Variants in CENPF observed in about 807,000 individuals in gnomAD.
CENPF encodes AH antigen.
Under a neutral mutation model 307.3 loss-of-function variants are expected in CENPF, and 214 were observed. That is an observed-to-expected ratio of 0.70 (90% CI 0.62 to 0.78). CENPF has a LOEUF of 0.78. Among genes scored for constraint, CENPF ranks in the 30% least tolerant of loss-of-function variants. CENPF has a pLI of 0.00. For missense variants in CENPF, 3,401 were observed against 3,483.9 expected, an observed-to-expected ratio of 0.98 and a Z score of 0.60; for synonymous variants, 1,259 against 1,270.6, an observed-to-expected ratio of 0.99 and a Z score of 0.19.
chr1:214,622,323 T>C, intron 7 of CENPF, 42 bp downstream of exon 7: 1 of 1,436,054 alleles, frequency 7.0e-7, no homozygotes, highest in Non-Finnish European at 9.6e-7. Context: ...TCTTCATCTT[T>C]TCATACAATT....
chr1:214,646,807 A>G lies in CENPF; in HGVS notation c.7237A>G (p.Ile2413Val). The change falls in exon 13 of 20, where the codon ATA (isoleucine) becomes GTA (valine). Residue 2413 changes from isoleucine (I) to valine (V), a missense_variant. Physicochemically the swap from Ile to Val is conservative, Grantham distance 29 (BLOSUM62 3). Transcript: ENST00000366955. ...KEQERISELE[I>V]INSSFENILQ... ...GCAAGAGCGAATATCTGAATTAGAA[A>G]TAATAAATTCATCATTTGAAAATAT... 6.2e-7 allele frequency: 1 copy of G among 1,610,604 alleles called. No homozygotes were observed. Among genetic ancestry groups the G allele is most frequent in the East Asian group, 2.2e-5 (1 of 44,868 alleles).
chr1:214,608,466 G>A (rs1340349753), intron 1 of CENPF: 2 of 1,613,074 alleles, frequency 1.2e-6, no homozygotes, highest in East Asian at 2.2e-5. Context: ...TGCTCATCTG[G>A]CCCAGGTCCA....
chr1:214,630,168 G>A (rs1257909234), intron 8 of CENPF, among the ~76,000 whole-genome samples: 2 of 152,142 alleles, frequency 1.3e-5, no homozygotes, highest in Non-Finnish European at 2.9e-5. Context: ...TTTAAACACC[G>A]TTTTTGAGTA....
rs753575219 is a variant in CENPF at position 214,658,916 on chromosome 1, G to A, written c.9029G>A (p.Arg3010Gln). The change falls in exon 19 of 20, where the codon CGG (arginine) becomes CAG (glutamine). Residue 3010 changes from arginine (R) to glutamine (Q), a missense_variant. Coordinates refer to ENST00000366955, the MANE Select transcript of CENPF (RefSeq NM_016343.4). Reference sequence around the variant, plus strand: ...CTGCGAAGAACAACCATGGCAACTCGGACCAGCCCCCGCCTGGCTGCACAG... The same window carrying A: ...CTGCGAAGAACAACCATGGCAACTCAGACCAGCCCCCGCCTGGCTGCACAG... ...YILRRTTMAT[R>Q]TSPRLAAQKL... The A allele has an allele frequency of 1.1e-5, 17 of 1,613,888 alleles. No homozygotes were observed. Among genetic ancestry groups the A allele is most frequent in the Admixed American group, 8.3e-5 (5 of 59,986 alleles).
In CENPF at chr1:214,640,955, A is replaced by G. The variant is rs371370612; in HGVS notation, c.2617A>G (p.Met873Val). 5 of 1,605,796 alleles carry G rather than the reference A, an allele frequency of 3.1e-6. No homozygotes were observed. Among genetic ancestry groups the G allele is most frequent in the South Asian group, 1.1e-5 (1 of 88,724 alleles). ...AGAAAATCTCATGAAAGCAGAACAG[A>G]TGCATCAAAGTTTTGTGGCTGAAAC... ...IEENLMKAEQ[M>V]HQSFVAETSQ... The change falls in exon 12 of 20, where the codon ATG becomes GTG. Residue 873 changes from methionine (M) to valine (V), a missense_variant. Physicochemically the swap from Met to Val is conservative, Grantham distance 21 (BLOSUM62 1). Transcript: ENST00000366955.
chr1:214,626,810 T>C (rs1657667494), intron 7 of CENPF, among the ~76,000 whole-genome samples: 1 of 152,224 alleles, frequency 6.6e-6, no homozygotes, highest in Non-Finnish European at 1.5e-5. Flanking sequence ...GCTGTTATTA[T>C]CATGGCTTAT....
At chr1:214,661,572 A>T (rs2102424901) in intron 19 of CENPF, among the ~76,000 whole-genome samples, 1 of 152,324 alleles carries the variant, frequency 6.6e-6, no homozygotes, top group East Asian at 1.9e-4. Context: ...GGCAAAATGC[A>T]CATTAGGTAA....
Position 214,663,561 on chromosome 1 carries a change from G to A in CENPF, c.9142-30G>A, listed in dbSNP as rs772566364. 1.9e-6 allele frequency: 3 copies of A among 1,605,126 alleles called. No homozygotes were observed. In the Admixed American group the frequency reaches 5.0e-5, roughly 27 times the overall value. Reference sequence around the variant, plus strand: ...ATGTTGTGGAAATGTGAATGTGATTGAACCTCTAACAGAGATGTTTGTGTT... The same window carrying A: ...ATGTTGTGGAAATGTGAATGTGATTAAACCTCTAACAGAGATGTTTGTGTT... On this transcript the variant is annotated intron_variant, in intron 19 of 19. Transcript: ENST00000366955.
chr1:214,610,663 G>A (rs1245492920), intron 1 of CENPF, among the ~76,000 whole-genome samples: 1 of 151,860 alleles, frequency 6.6e-6, no homozygotes, highest in Admixed American at 6.6e-5. Context: ...AGTTTCTTTT[G>A]CTGTGCAGAA....
Position 214,652,833 on chromosome 1 carries a change from A to C in CENPF, c.8166A>C (p.Glu2722Asp). 6.3e-7 allele frequency: 1 copy of C among 1,579,870 alleles called. No individual in the cohort carries two copies. Among genetic ancestry groups the C allele is most frequent in the South Asian group, 1.2e-5 (1 of 84,532 alleles). ...TTTTGTTTGTTTTGCTCTAGTATGA[A>C]GTAGAAATCCAGACATACCGAGAGA... ...ALLLDTNKQY[E>D]VEIQTYREKL... The change falls in exon 16 of 20, where the codon GAA becomes GAC. Residue 2722 changes from glutamate to aspartate, a missense_variant. Transcript: ENST00000366955.
At chr1:214,612,751 T>G (rs1657232634) in intron 1 of CENPF, among the ~76,000 whole-genome samples, 1 of 152,220 alleles carries the variant, frequency 6.6e-6, no homozygotes, top group Non-Finnish European at 1.5e-5. Flanking sequence ...AGGATGATTG[T>G]TACAGCGCAA....
intron 5 of CENPF, among the ~76,000 whole-genome samples, chr1:214,619,470 T>C (rs1039840927): frequency 1.3e-5 from 2 of 152,210 alleles, no homozygotes; most frequent in Non-Finnish European, 2.9e-5. Context: ...GTACACTTAA[T>C]TATTTCCCTA....
Position 214,646,894 on chromosome 1 carries a change from A to T in CENPF, c.7324A>T (p.Met2442Leu), listed in dbSNP as rs776683594. The stretch of plus-strand genomic sequence containing the variant: ...AGAAAAATCAAGCACTGCCATGGAG[A>T]TGCTTCAAACACAATTAAAAGAGCT... Reference protein sequence around the residue: ...MKEKSSTAMEMLQTQLKELNE... With the variant: ...MKEKSSTAMELLQTQLKELNE... The change falls in exon 13 of 20, where the codon ATG (methionine) becomes TTG (leucine). Residue 2442 changes from methionine to leucine, a missense_variant. By Grantham distance (15) the Met-to-Leu change is conservative. Transcript: ENST00000366955. 1.9e-6 allele frequency: 3 copies of T among 1,614,086 alleles called. No individual in the cohort carries two copies. The highest frequency in any genetic ancestry group is 1.7e-6 in the Non-Finnish European group (2 of 1,179,974).
At chr1:214,613,514 A>G (rs1571694457) in intron 1 of CENPF, 200 bp from the exon 2 acceptor site, 2 of 347,062 alleles carry the variant, frequency 5.8e-6, no homozygotes, top group South Asian at 1.6e-4. Flanking sequence ...AAGGGAAACT[A>G]AGCAGGACAG....
rs1340778233 is a variant in CENPF at position 214,640,719 on chromosome 1, A to G, written c.2381A>G (p.His794Arg). The G allele has an allele frequency of 1.2e-6, 2 of 1,614,140 alleles. No individual in the cohort carries two copies. The highest frequency in any genetic ancestry group is 1.7e-6 in the Non-Finnish European group (2 of 1,180,018). Residue 794 changes from histidine to arginine, a missense_variant, in exon 12 of 20, where the codon CAT becomes CGT. His to Arg is a conservative substitution (Grantham distance 29, BLOSUM62 0). Transcript: ENST00000366955. ...GCTTTTGATCAGCAGCCTGCCATGC[A>G]TCATTCCTTTGCAAATATAATTGGA... ...LLAFDQQPAMHHSFANIIGEQ... is the reference protein window; with the variant it reads ...LLAFDQQPAMRHSFANIIGEQ...
rs370575486 is a variant in CENPF at position 214,642,962 on chromosome 1, C to T, written c.4624C>T (p.Pro1542Ser). ...GGAGAATCTGACCAGGAAAGAAACCCCTTCGGCCCCAGCGAAGGGTGTTGA... is the reference window on the plus strand; with the variant it reads ...GGAGAATCTGACCAGGAAAGAAACCTCTTCGGCCCCAGCGAAGGGTGTTGA... Reference protein sequence around the residue: ...QEENLTRKETPSAPAKGVEEL... With the variant: ...QEENLTRKETSSAPAKGVEEL... The change falls in exon 12 of 20, where the codon CCT becomes TCT. Residue 1542 changes from proline (P) to serine (S), a missense_variant. Coordinates refer to ENST00000366955, the MANE Select transcript of CENPF (RefSeq NM_016343.4). The T allele has an allele frequency of 1.3e-5, 21 of 1,612,770 alleles. No individual in the cohort carries two copies. Among genetic ancestry groups the T allele is most frequent in the Non-Finnish European group, 1.8e-5 (21 of 1,179,708 alleles).
chr1:214,613,106 A>T, intron 1 of CENPF: 1 of 291,398 alleles, frequency 3.4e-6, no homozygotes, highest in African/African-American at 2.2e-5. Flanking sequence ...TTGGTCCACC[A>T]CTCCATTACA....
intron 6 of CENPF, among the ~76,000 whole-genome samples, chr1:214,621,767 G>T (rs573583373): frequency 6.6e-6 from 1 of 152,292 alleles, no homozygotes; most frequent in East Asian, 1.9e-4. Context: ...AACAAAGGGT[G>T]TCATATGTGA....
chr1:214,646,794 A>G lies in CENPF; in HGVS notation c.7224A>G (p.Ile2408Met), dbSNP rs756819590. ...TNELQKEQER[I>M]SELEIINSSF... ...AATTACAAAAAGAGCAAGAGCGAAT[A>G]TCTGAATTAGAAATAATAAATTCAT... The change falls in exon 13 of 20, where the codon ATA (isoleucine) becomes ATG (methionine). Residue 2408 changes from isoleucine to methionine, a missense_variant. Transcript: ENST00000366955. 2.5e-5 allele frequency: 40 copies of G among 1,611,694 alleles called. No homozygotes were observed. The highest frequency in any genetic ancestry group is 3.1e-5 in the Non-Finnish European group (37 of 1,179,178).
Sources: gnomAD v4.1 joint callset for allele counts (sites outside exome capture counted in the v4.1 genomes callset) on GRCh38, gnomAD v4.1.1 for gene constraint, MANE v1.5 for transcripts, NCBI Gene and HGNC (gene_info 2026-07-23, HGNC 2026-07-21) for gene names.